RANBP2: variants seen among roughly 807,000 people sequenced by gnomAD.
RANBP2 encodes E3 SUMO-protein ligase RanBP2.
RANBP2 carries 57 observed loss-of-function variants against 303.6 expected under a neutral mutation model. That is an observed-to-expected ratio of 0.19 (90% CI 0.15 to 0.23). RANBP2 has a LOEUF of 0.23. RANBP2 is among the 10% of genes least tolerant of loss of function. RANBP2 has a pLI of 1.00. For missense variants in RANBP2, 3,138 were observed against 3,780.8 expected, an observed-to-expected ratio of 0.83 and a Z score of 4.46; for synonymous variants, 1,167 against 1,301.5, an observed-to-expected ratio of 0.90 and a Z score of 2.23.
At chr2:109,570,416 G>T in the RANBP2 span, among the ~76,000 whole-genome samples, 3 of 151,868 alleles carry the variant, frequency 2.0e-5, no homozygotes, top group African/African-American at 7.3e-5. Flanking sequence ...ACCAACTGAG[G>T]ATCAAAAATA....
At chr2:109,114,972 G>A in the RANBP2 span, among the ~76,000 whole-genome samples, 1 of 152,164 alleles carries the variant, frequency 6.6e-6, no homozygotes, top group Non-Finnish European at 1.5e-5. Flanking sequence ...CTGAGTTCTG[G>A]TTTGATTGCA....
At chr2:109,667,466 T>C in the RANBP2 span, among the ~76,000 whole-genome samples, 6 of 152,354 alleles carry the variant, frequency 3.9e-5, no homozygotes, top group East Asian at 1.2e-3. Context: ...AGTCCTTTGC[T>C]TGGCCGTGTT....
At chr2:109,507,394 AAAG>A in the RANBP2 span, among the ~76,000 whole-genome samples, 1 of 152,100 alleles carries the variant, frequency 6.6e-6, no homozygotes, top group Admixed American at 6.5e-5. Flanking sequence ...TTCACTTCTC[AAAG>A]AAGATCACAT....
chr2:109,227,425 G>A, the RANBP2 span, among the ~76,000 whole-genome samples: 1 of 152,178 alleles, frequency 6.6e-6, no homozygotes, highest in African/African-American at 2.4e-5. Flanking sequence ...TAAGCCACAA[G>A]TTCTCACAGT....
At chr2:108,960,114 C>T in the RANBP2 span, among the ~76,000 whole-genome samples, 1 of 152,206 alleles carries the variant, frequency 6.6e-6, no homozygotes, top group Non-Finnish European at 1.5e-5. Flanking sequence ...GCTGGGTCCA[C>T]TGATAGTACA....
At chr2:109,537,144 A>G in the RANBP2 span, among the ~76,000 whole-genome samples, 1 of 152,206 alleles carries the variant, frequency 6.6e-6, no homozygotes, top group South Asian at 2.1e-4. Context: ...AAGGTTTTCA[A>G]TATTTCACCA....
the RANBP2 span, among the ~76,000 whole-genome samples, chr2:108,899,510 T>A: frequency 6.6e-6 from 1 of 152,206 alleles, no homozygotes; most frequent in Non-Finnish European, 1.5e-5. Context: ...AGCAAAAATA[T>A]GGGCACATAC....
the RANBP2 span, among the ~76,000 whole-genome samples, chr2:109,167,142 G>A: frequency 6.6e-6 from 1 of 152,164 alleles, no homozygotes; most frequent in African/African-American, 2.4e-5. Context: ...TTTATGATAT[G>A]GTTCCTGGCA....
the RANBP2 span, chr2:108,812,788 G>C: frequency 8.7e-6 from 14 of 1,611,538 alleles, no homozygotes; most frequent in South Asian, 1.5e-4. Flanking sequence ...AGATACAATT[G>C]TTCTTTAATT....
chr2:109,365,184 C>G, the RANBP2 span, among the ~76,000 whole-genome samples: 1,247 of 152,326 alleles, frequency 8.2e-3, 16 homozygotes, highest in Non-Finnish European at 0.012. Flanking sequence ...TTCCCCTCCC[C>G]CTGCCAGAAG....
the RANBP2 span, among the ~76,000 whole-genome samples, chr2:109,144,162 A>G: frequency 6.6e-6 from 1 of 152,248 alleles, no homozygotes; most frequent in Non-Finnish European, 1.5e-5. Context: ...TCGATTATAT[A>G]CTTGAACTTT....
the RANBP2 span, among the ~76,000 whole-genome samples, chr2:109,015,118 C>CAAAAAAAAAAAAAAAAAAAAAA: frequency 1.5e-5 from 1 of 68,812 alleles, no homozygotes; most frequent in Non-Finnish European, 2.5e-5. Flanking sequence ...GACTCCATCT[C>CAAAAAAAAAAAAAAAAAAAAAA]AAAAAAAAAA....
chr2:108,788,796 G>A (rs1163718225), downstream of RANBP2: 12 of 1,607,396 alleles, frequency 7.5e-6, no homozygotes, highest in Middle Eastern at 1.7e-4. Context: ...GCCAGTGCCA[G>A]ATATTTTGTG....
At chr2:109,400,061 G>A in the RANBP2 span, among the ~76,000 whole-genome samples, 1 of 152,240 alleles carries the variant, frequency 6.6e-6, no homozygotes, top group Non-Finnish European at 1.5e-5. Context: ...ACACCAATAA[G>A]CAACTGGCTG....
chr2:109,706,597 A>G, the RANBP2 span, among the ~76,000 whole-genome samples: 1 of 152,232 alleles, frequency 6.6e-6, no homozygotes, highest in South Asian at 2.1e-4. Flanking sequence ...AGCCCATATA[A>G]TTCTGTTATT....
the RANBP2 span, among the ~76,000 whole-genome samples, chr2:109,238,238 C>G: frequency 6.6e-6 from 1 of 151,950 alleles, no homozygotes; most frequent in African/African-American, 2.4e-5. Flanking sequence ...TTTATGAAGA[C>G]TAATTCAATA....
At chr2:109,027,720 A>T in the RANBP2 span, among the ~76,000 whole-genome samples, 2 of 122,844 alleles carry the variant, frequency 1.6e-5, no homozygotes, top group African/African-American at 6.2e-5. Flanking sequence ...CAGGAGCAAG[A>T]CCTAGAGTTG....
the RANBP2 span, among the ~76,000 whole-genome samples, chr2:109,400,261 A>G: frequency 6.6e-6 from 1 of 151,378 alleles, no homozygotes; most frequent in African/African-American, 2.4e-5. Context: ...ACTTGAGCAC[A>G]TGCCCGCCCG....
rs1424424995 is a variant in RANBP2 at position 108,763,616 on chromosome 2, C to T, written c.3077C>T (p.Thr1026Ile). ...TCTTTGCCAACACAAGCACACACAACACAGCCAACTCCTTTTAAATTTAAC... is the reference window on the plus strand; with the variant it reads ...TCTTTGCCAACACAAGCACACACAATACAGCCAACTCCTTTTAAATTTAAC... ...RPSLPTQAHT[T>I]QPTPFKFNSN... The change falls in exon 20 of 29, where the codon ACA becomes ATA. Residue 1026 changes from threonine to isoleucine, a missense_variant. By Grantham distance (89) the Thr-to-Ile change is moderately conservative. This residue lies in a region of RANBP2 where 403 missense variants were observed against 376.7 expected (regional missense o/e 1.07). Coordinates refer to ENST00000283195, the MANE Select transcript of RANBP2 (RefSeq NM_006267.5). 6.2e-7 allele frequency: 1 copy of T among 1,614,036 alleles called. No homozygotes were observed. Among genetic ancestry groups the T allele is most frequent in the Non-Finnish European group, 8.5e-7 (1 of 1,180,014 alleles).
Sources: gnomAD v4.1 joint callset for allele counts (sites outside exome capture counted in the v4.1 genomes callset) on GRCh38, gnomAD v4.1.1 for gene constraint, gnomAD v4.1.1 regional missense constraint, MANE v1.5 for transcripts, NCBI Gene and HGNC (gene_info 2026-07-23, HGNC 2026-07-21) for gene names.